Variants in RELN observed in about 807,000 individuals in gnomAD.
The protein encoded by RELN is reelin.
A neutral mutation model predicts 427.6 loss-of-function variants in RELN; 108 were observed. The ratio of observed to expected loss-of-function variants is 0.25; its 90% CI spans 0.22 to 0.30. The LOEUF is 0.30. RELN is among the 10% of genes least tolerant of loss of function. The pLI is 1.00. For synonymous variants in RELN, 1,524 were observed against 1,513.4 expected, an observed-to-expected ratio of 1.01 and a Z score of -0.16; for missense variants, 3,715 against 4,302.8, an observed-to-expected ratio of 0.86 and a Z score of 3.82.
At chr7:103,834,380 A>G (rs573813133) in intron 2 of RELN, among the ~76,000 whole-genome samples, 1 of 152,282 alleles carries the variant, frequency 6.6e-6, no homozygotes, top group African/African-American at 2.4e-5. Context: ...CAGCTATGTT[A>G]AAGAGTGGTC....
At chr7:103,587,316 T>G (rs1380333994) in intron 28 of RELN, among the ~76,000 whole-genome samples, 1 of 152,094 alleles carries the variant, frequency 6.6e-6, no homozygotes, top group Non-Finnish European at 1.5e-5. Context: ...CTGGGAAAAT[T>G]GAATAGCCAC....
chr7:103,574,393 G>A, intron 29 of RELN, 94 bp from the exon 30 acceptor site: 1 of 1,045,878 alleles, frequency 9.6e-7, no homozygotes, highest in Non-Finnish European at 1.5e-6. Context: ...ATGTCCATAG[G>A]GATTAACATT....
chr7:103,752,644 G>C (rs1240932475), intron 5 of RELN, among the ~76,000 whole-genome samples: 1 of 152,098 alleles, frequency 6.6e-6, no homozygotes, highest in Non-Finnish European at 1.5e-5. Context: ...TAAACACCTG[G>C]TCTCAAGTGA....
intron 2 of RELN, among the ~76,000 whole-genome samples, chr7:103,858,895 C>A (rs934831250): frequency 2.0e-5 from 3 of 152,064 alleles, no homozygotes; most frequent in South Asian, 2.1e-4. Context: ...ACAACAACAA[C>A]AAAAAACTCC....
intron 3 of RELN, among the ~76,000 whole-genome samples, chr7:103,794,515 A>G (rs1178754634): frequency 6.6e-6 from 1 of 152,170 alleles, no homozygotes; most frequent in Non-Finnish European, 1.5e-5. Context: ...TGGTAGATGC[A>G]TATCACATGC....
chr7:103,510,866 C>G lies in RELN; in HGVS notation c.8259G>C (p.Trp2753Cys), dbSNP rs1829384493. ...AACATTTCACCTTGAATTGCATAAT[C>G]CAGCCTTCAGTGGGAGTCAGGTCAT... ...VTHDLTPTEG[W>C]IMQFKISVGC... The change falls in exon 51 of 65, where the codon TGG (tryptophan) becomes TGC (cysteine). Residue 2753 changes from tryptophan (W) to cysteine (C), a missense_variant. This residue lies in a region of RELN where 1,310 missense variants were observed against 1,643.0 expected (regional missense o/e 0.80). Coordinates refer to ENST00000428762, the MANE Select transcript of RELN (RefSeq NM_005045.4). 6.2e-7 allele frequency: 1 copy of G among 1,613,392 alleles called. No homozygotes were observed. The highest frequency in any genetic ancestry group is 1.7e-5 in the Admixed American group (1 of 59,952).
intron 31 of RELN, among the ~76,000 whole-genome samples, chr7:103,566,998 T>A (rs1009267285): frequency 5.9e-5 from 9 of 152,212 alleles, no homozygotes; most frequent in African/African-American, 2.2e-4. Flanking sequence ...TGCTCAGCTT[T>A]GTATGAGTGA....
chr7:103,822,915 C>T (rs1443533889), intron 3 of RELN, among the ~76,000 whole-genome samples: 1 of 145,838 alleles, frequency 6.9e-6, no homozygotes, highest in African/African-American at 2.6e-5. Flanking sequence ...AGCGAGACTC[C>T]GTCTCAAAAA....
At chr7:103,567,557 G>A (rs1390438099) in intron 31 of RELN, among the ~76,000 whole-genome samples, 2 of 152,042 alleles carry the variant, frequency 1.3e-5, no homozygotes, top group Non-Finnish European at 2.9e-5. Context: ...TGTGTATAAC[G>A]AGGTATAAAT....
intron 4 of RELN, among the ~76,000 whole-genome samples, chr7:103,758,594 A>G (rs1274694011): frequency 6.6e-6 from 1 of 151,782 alleles, no homozygotes; most frequent in Non-Finnish European, 1.5e-5. Context: ...AAGTATTGAT[A>G]AATGAGAATC....
At position 103,553,766 on chromosome 7, in the gene RELN, C is replaced by G. The variant is rs1183300433; in HGVS notation, c.5863G>C (p.Val1955Leu). ...IIDGNNVNNP[V>L]MLLDTFDFGP... is the part of the protein sequence containing the mutation. ...AAATCAAATGTATCCAAGAGCATCA[C>G]AGGGTTGTTTACATTATTTCCATCG... The change falls in exon 39 of 65, where the codon GTG becomes CTG. Residue 1955 changes from valine (V) to leucine (L), a missense_variant. Physicochemically the swap from Val to Leu is conservative, Grantham distance 32 (BLOSUM62 1). This residue lies in a region of RELN where 1,310 missense variants were observed against 1,643.0 expected (regional missense o/e 0.80). Coordinates refer to ENST00000428762, the MANE Select transcript of RELN (RefSeq NM_005045.4). 1.2e-6 allele frequency: 2 copies of G among 1,613,986 alleles called. No individual in the cohort carries two copies. The highest frequency in any genetic ancestry group is 1.7e-6 in the Non-Finnish European group (2 of 1,179,878).
intron 8 of RELN, among the ~76,000 whole-genome samples, chr7:103,708,672 C>G (rs1041454557): frequency 2.6e-5 from 4 of 151,836 alleles, no homozygotes; most frequent in African/African-American, 9.7e-5. Context: ...ACCGTGTTAG[C>G]CAAGATGGTC....
chr7:103,586,410 C>T (rs1831272327), intron 28 of RELN, among the ~76,000 whole-genome samples: 1 of 151,812 alleles, frequency 6.6e-6, no homozygotes, highest in African/African-American at 2.4e-5. Context: ...TATGACAAAC[C>T]CACAGCCAAC....
chr7:103,833,668 G>A lies in RELN; in HGVS notation c.342C>T (p.Ile114=). Residue 114 remains isoleucine, a synonymous_variant, in exon 3 of 65, where the codon ATC becomes ATT. Transcript: ENST00000428762. ...IGGSSAFGFG[I]MSDHQFGNQF... ...GGTTACCAAACTGGTGGTCAGACAT[G>A]ATCCCTAAGAGAAAGGAAGGAGAGT... 1 of 1,613,368 alleles carries A rather than the reference G, an allele frequency of 6.2e-7. No homozygotes were observed. The highest frequency in any genetic ancestry group is 8.5e-7 in the Non-Finnish European group (1 of 1,179,510).
chr7:103,754,994 G>A (rs562124783), intron 4 of RELN, among the ~76,000 whole-genome samples: 5 of 152,130 alleles, frequency 3.3e-5, no homozygotes, highest in Non-Finnish European at 7.4e-5. Flanking sequence ...AAGGCACTGT[G>A]CTAAGGAGTG....
chr7:103,708,807 T>A (rs1014988361), intron 8 of RELN, among the ~76,000 whole-genome samples: 2 of 152,148 alleles, frequency 1.3e-5, no homozygotes, highest in African/African-American at 4.8e-5. Context: ...CGGGCCTCTG[T>A]TTAATGGTCA....
intron 11 of RELN, among the ~76,000 whole-genome samples, chr7:103,681,308 C>T (rs559295839): frequency 2.6e-5 from 4 of 152,086 alleles, no homozygotes; most frequent in South Asian, 2.1e-4. Flanking sequence ...CACAGTGACA[C>T]GACTATACCT....
chr7:103,600,955 T>C (rs573779129), intron 24 of RELN, among the ~76,000 whole-genome samples: 1 of 152,346 alleles, frequency 6.6e-6, no homozygotes, highest in East Asian at 1.9e-4. Flanking sequence ...CCTCTCAATA[T>C]CCACTTTTCA....
At position 103,545,643 on chromosome 7, in the gene RELN, G is replaced by A. The variant is rs1249661966; in HGVS notation, c.6303-299C>T. On this transcript the variant is annotated intron_variant, in intron 41 of 64. Transcript: ENST00000428762. ...AAGACTTCTCCATCCTTACTATTTTGTTTTATTTTTTTTTTTGAGACAGAG... is the reference window on the plus strand; with the variant it reads ...AAGACTTCTCCATCCTTACTATTTTATTTTATTTTTTTTTTTGAGACAGAG... 6.2e-4 allele frequency among the ~76,000 whole-genome samples: 91 copies of A among 147,202 alleles called. 2 individuals are homozygous for A. Among genetic ancestry groups the A allele is most frequent in the African/African-American group, 2.3e-3 (89 of 38,016 alleles).
Sources: allele counts gnomAD v4.1 joint callset (sites outside exome capture counted in the v4.1 genomes callset), GRCh38; gene constraint gnomAD v4.1.1; regional missense constraint gnomAD v4.1.1; transcripts MANE v1.5; gene names NCBI Gene and HGNC (gene_info 2026-07-23, HGNC 2026-07-21).